The following THSD4 variants were observed in gnomAD, a reference collection of about 807,000 sequenced individuals.
THSD4 encodes thrombospondin type 1 domain containing 4, also known as thrombospondin type-1 domain-containing protein 4.
In THSD4, 69 loss-of-function variants were observed where a neutral mutation model predicts 119.0. The ratio of observed to expected loss-of-function variants is 0.58; its 90% confidence interval spans 0.48 to 0.71. The LOEUF (loss-of-function observed/expected upper bound fraction) is 0.71, where lower values mean the gene tolerates loss of function less well. Ranked by LOEUF, THSD4 falls within the 30% of genes least tolerant of loss-of-function variation. The pLI, the probability that THSD4 is intolerant of heterozygous loss-of-function variation, is 0.00. For synonymous variants in THSD4, 524 were observed against 540.4 expected, an observed-to-expected ratio of 0.97 and a Z score of 0.42; for missense variants, 1,393 against 1,391.1, an observed-to-expected ratio of 1.00 and a Z score of -0.02.
intron 3 of THSD4, among the ~76,000 whole-genome samples, chr15:71,172,727 A>ATGTGTG (rs1297124558): frequency 9.5e-6 from 1 of 105,078 alleles, no homozygotes; most frequent in African/African-American, 4.6e-5. Flanking sequence ...ATATATATAT[A>ATGTGTG]TATATATGTG....
At chr15:71,620,538 A>C (rs2050402479) in intron 7 of THSD4, among the ~76,000 whole-genome samples, 1 of 152,142 alleles carries the variant, frequency 6.6e-6, no homozygotes, top group Admixed American at 6.5e-5. Flanking sequence ...CCAGGAATTC[A>C]AGGCCAACTT....
At position 71,135,981 on chromosome 15, in the gene THSD4, G is replaced by A. The variant is rs943314045; in HGVS notation, c.-79-5468G>A. On this transcript the variant is annotated intron_variant, in intron 1 of 17. Transcript: ENST00000261862. ...AAACACACAAGTCCTTTGGTTTTTT[G>A]TTTAGTTTAGTTTTTTTTTTTTTTT... 3.7e-5 allele frequency among the ~76,000 whole-genome samples: 3 copies of A among 80,408 alleles called. No homozygotes were observed. In the South Asian group the frequency reaches 1.4e-3, roughly 36 times the overall value. 52.8% of individuals were successfully genotyped at this position (80,408 alleles called of 152,430 possible). A position where few individuals can be genotyped will look rare whatever the true frequency, so the allele number is the denominator to read the frequency against.
chr15:71,699,373 C>T (rs1245058479), intron 8 of THSD4, among the ~76,000 whole-genome samples: 3 of 63,844 alleles, frequency 4.7e-5, no homozygotes, highest in South Asian at 5.3e-4. Context: ...CCACTACGCC[C>T]GGCTAATTTT....
At chr15:71,488,819 A>T (rs1263764746) in intron 7 of THSD4, among the ~76,000 whole-genome samples, 1 of 152,146 alleles carries the variant, frequency 6.6e-6, no homozygotes, top group East Asian at 1.9e-4. Context: ...TAGCTAGCAG[A>T]TTATGTATTT....
At chr15:71,121,521 T>C (rs1458392775) in intron 1 of THSD4, among the ~76,000 whole-genome samples, 1 of 152,162 alleles carries the variant, frequency 6.6e-6, no homozygotes, top group East Asian at 1.9e-4. Context: ...GACCCTCACA[T>C]GCCTTGGATT....
intron 3 of THSD4, among the ~76,000 whole-genome samples, chr15:71,212,970 C>G (rs2043899895): frequency 6.6e-6 from 1 of 152,154 alleles, no homozygotes. Context: ...CCGTGCCTGC[C>G]CATTTTCCTT....
At chr15:71,602,553 C>CAAAAAAAAAAAAAAAAAAAAAA (rs59370074) in intron 7 of THSD4, among the ~76,000 whole-genome samples, 1 of 53,878 alleles carries the variant, frequency 1.9e-5, no homozygotes. Context: ...AACTCTGTCT[C>CAAAAAAAAAAAAAAAAAAAAAA]AAAAAAAAAA....
At chr15:71,249,066 G>A (rs1254926980) in intron 5 of THSD4, among the ~76,000 whole-genome samples, 1 of 151,830 alleles carries the variant, frequency 6.6e-6, no homozygotes, top group African/African-American at 2.4e-5. Flanking sequence ...AGACCACTTG[G>A]AATTTCCACA....
At chr15:71,611,600 A>G (rs868144085) in intron 7 of THSD4, among the ~76,000 whole-genome samples, 8 of 152,248 alleles carry the variant, frequency 5.3e-5, no homozygotes, top group East Asian at 1.9e-4. Flanking sequence ...ACACAGATCA[A>G]TAACAAGCAA....
intron 16 of THSD4, among the ~76,000 whole-genome samples, chr15:71,768,621 G>C (rs554387226): frequency 7.4e-6 from 1 of 135,590 alleles, no homozygotes; most frequent in Non-Finnish European, 1.5e-5. Context: ...CTGGAATGCA[G>C]TAGCACCATC....
chr15:71,391,090 A>G (rs1229546433), intron 6 of THSD4, among the ~76,000 whole-genome samples: 1 of 148,810 alleles, frequency 6.7e-6, no homozygotes, highest in Non-Finnish European at 1.5e-5. Flanking sequence ...GTGCAGTGGC[A>G]CAATCTCGGC....
chr15:71,334,136 G>T (rs778107492), intron 6 of THSD4, among the ~76,000 whole-genome samples: 6 of 152,156 alleles, frequency 3.9e-5, no homozygotes, highest in African/African-American at 1.4e-4. Context: ...CCAGCAAACC[G>T]GAAGCCAGAG....
At position 71,746,840 on chromosome 15, in the gene THSD4, G is replaced by T; in HGVS notation, c.2039G>T (p.Trp680Leu). 1 of 1,613,670 alleles carries T rather than the reference G, an allele frequency of 6.2e-7. No individual in the cohort carries two copies. Among genetic ancestry groups the T allele is most frequent in the Non-Finnish European group, 8.5e-7 (1 of 1,179,928 alleles). Reference sequence around the variant, plus strand: ...TCGCTCTCTCATTCCTGAACCAGCTGGGACATCGGGGAGTGGTCTGAGTGC... The same window carrying T: ...TCGCTCTCTCATTCCTGAACCAGCTTGGACATCGGGGAGTGGTCTGAGTGC... ...PCNIFPCPAF[W>L]DIGEWSECSK... The change falls in exon 13 of 18, where the codon TGG becomes TTG. Residue 680 changes from tryptophan to leucine, a missense_variant and splice_region_variant. Transcript: ENST00000261862.
intron 7 of THSD4, among the ~76,000 whole-genome samples, chr15:71,641,037 C>A (rs1280800555): frequency 6.6e-6 from 1 of 151,934 alleles, no homozygotes; most frequent in Non-Finnish European, 1.5e-5. Flanking sequence ...ATCATTTAGT[C>A]TTTCCCTGAA....
rs1447192576 is a variant in THSD4, at chr15:71,676,678, T to C, written c.1357+15944T>C. 2.6e-5 allele frequency among the ~76,000 whole-genome samples: 4 copies of C among 152,222 alleles called. No homozygotes were observed. The East Asian group carries it at 7.7e-4, about 29-fold the overall frequency. On this transcript the variant is annotated intron_variant, in intron 8 of 17. Transcript: ENST00000261862. Reference sequence around the variant, plus strand: ...CTGGTAACTTCAACTCTCTGCCTCATGCACTGACCTATTCTAGGAACCTCA... The same window carrying C: ...CTGGTAACTTCAACTCTCTGCCTCACGCACTGACCTATTCTAGGAACCTCA...
At chr15:71,487,162 C>T (rs1047901443) in intron 7 of THSD4, among the ~76,000 whole-genome samples, 3 of 152,198 alleles carry the variant, frequency 2.0e-5, no homozygotes, top group Non-Finnish European at 4.4e-5. Context: ...TGCATTTCCT[C>T]GTCATTTCTG....
intron 6 of THSD4, among the ~76,000 whole-genome samples, chr15:71,404,843 CTTTCTTTCT>C (rs199852380): frequency 0.035 from 5,375 of 152,030 alleles, 189 homozygotes; most frequent in African/African-American, 0.084. Context: ...GTTGTCTTCT[CTTTCTTTCT>C]TTTCTTTCTT....
At chr15:71,489,506 G>A (rs2047879540) in intron 7 of THSD4, among the ~76,000 whole-genome samples, 1 of 152,150 alleles carries the variant, frequency 6.6e-6, no homozygotes, top group South Asian at 2.1e-4. Flanking sequence ...TGCAGGCGAT[G>A]GATATGCCTT....
At chr15:71,742,916 G>A (rs1216261023) in intron 11 of THSD4, among the ~76,000 whole-genome samples, 4 of 152,062 alleles carry the variant, frequency 2.6e-5, no homozygotes, top group South Asian at 2.1e-4. Context: ...TCAGCCAGGC[G>A]CAGTGGCAGG....
Sources: gnomAD v4.1 joint callset for allele counts (sites outside exome capture counted in the v4.1 genomes callset) on GRCh38, gnomAD v4.1.1 for gene constraint, MANE v1.5 for transcripts, NCBI Gene and HGNC (gene_info 2026-07-23, HGNC 2026-07-21) for gene names.